Variants in ANK2 observed in about 807,000 individuals in gnomAD.
The protein encoded by ANK2 is ankyrin-2.
A neutral mutation model predicts 360.5 loss-of-function variants in ANK2; 83 were observed. That is an observed-to-expected ratio of 0.23 (90% confidence interval 0.19 to 0.28). The LOEUF is 0.28. Among genes scored for constraint, ANK2 ranks in the 10% least tolerant of loss-of-function variants. The pLI, the probability that ANK2 is intolerant of heterozygous loss-of-function variation, is 1.00. For missense variants in ANK2, 4,201 were observed against 4,795.7 expected (o/e 0.88, Z 3.66); for synonymous variants, 1,740 against 1,759.5 (o/e 0.99, Z 0.28).
At chr4:112,861,423 C>T (rs535264635) in intron 1 of ANK2, among the ~76,000 whole-genome samples, 1 of 152,298 alleles carries the variant, frequency 6.6e-6, no homozygotes, top group African/African-American at 2.4e-5. Context: ...ACTAAAAATG[C>T]AATTGCTCTG....
chr4:113,079,510 T>G (rs2081441382), intron 1 of ANK2, among the ~76,000 whole-genome samples: 1 of 152,236 alleles, frequency 6.6e-6, no homozygotes, highest in South Asian at 2.1e-4. Flanking sequence ...TTTCTAGATT[T>G]TAAGTTATCT....
chr4:113,150,328 G>A (rs555799602), intron 1 of ANK2, among the ~76,000 whole-genome samples: 2 of 152,278 alleles, frequency 1.3e-5, no homozygotes, highest in South Asian at 2.1e-4. Flanking sequence ...GGGGCTTCCA[G>A]GACCACCCTC....
chr4:113,138,818 C>A (rs556122612), intron 1 of ANK2, among the ~76,000 whole-genome samples: 3 of 152,116 alleles, frequency 2.0e-5, no homozygotes, highest in Non-Finnish European at 4.4e-5. Flanking sequence ...TCTCTAGAAC[C>A]TCTAGGGTGA....
At chr4:112,981,902 TAAGATA>T in intron 2 of ANK2, among the ~76,000 whole-genome samples, 1 of 152,296 alleles carries the variant, frequency 6.6e-6, no homozygotes, top group East Asian at 1.9e-4. Context: ...TCAACAATCA[TAAGATA>T]CAACTTCCTG....
At chr4:113,236,121 A>G (rs1054520810) in intron 5 of ANK2, among the ~76,000 whole-genome samples, 6 of 151,770 alleles carry the variant, frequency 4.0e-5, no homozygotes, top group African/African-American at 1.5e-4. Flanking sequence ...TTGTTTTCCA[A>G]CTTTTGTGGA....
chr4:113,022,645 C>T (rs2058427388), intron 2 of ANK2, among the ~76,000 whole-genome samples: 1 of 152,194 alleles, frequency 6.6e-6, no homozygotes, highest in African/African-American at 2.4e-5. Flanking sequence ...ATCTTGCTGA[C>T]ATTCTAATTC....
chr4:112,840,378 A>G (rs901160385), intron 1 of ANK2, among the ~76,000 whole-genome samples: 3 of 152,286 alleles, frequency 2.0e-5, no homozygotes, highest in African/African-American at 7.2e-5. Context: ...AAGGGGAACA[A>G]TTTGCCTGGC....
chr4:112,795,525 A>T, the ANK2 span, among the ~76,000 whole-genome samples: 1 of 152,166 alleles, frequency 6.6e-6, no homozygotes. Flanking sequence ...ATTTTCCGAG[A>T]TGGAGTCTCG....
rs926626567 is a variant in ANK2, at chr4:112,885,448, G to A, written c.-39-19007G>A. 1.5e-4 allele frequency among the ~76,000 whole-genome samples: 22 copies of A among 146,382 alleles called. 1 individual carries two copies. Among genetic ancestry groups the A allele is most frequent in the Admixed American group, 1.1e-3 (16 of 14,152 alleles). ...CGGGAAGCCGAGGTTGCAGTGAGCCGAGATCATGCCATTGCACTCCATCCT... is the reference window on the plus strand; with the variant it reads ...CGGGAAGCCGAGGTTGCAGTGAGCCAAGATCATGCCATTGCACTCCATCCT... On this transcript the variant is annotated intron_variant, in intron 1 of 30. Coordinates refer to the ANK2 transcript ENST00000503271.
At chr4:113,313,139 T>A (rs557761231) in intron 24 of ANK2, among the ~76,000 whole-genome samples, 2 of 152,282 alleles carry the variant, frequency 1.3e-5, no homozygotes, top group East Asian at 3.9e-4. Context: ...CCTCTGGAGT[T>A]CCATAAGCTG....
chr4:112,810,443 T>G, the ANK2 span, among the ~76,000 whole-genome samples: 1 of 152,184 alleles, frequency 6.6e-6, no homozygotes, highest in African/African-American at 2.4e-5. Context: ...CCAGCCAAGT[T>G]GCTCAAATCA....
At chr4:112,780,925 A>G in the ANK2 span, among the ~76,000 whole-genome samples, 2 of 152,206 alleles carry the variant, frequency 1.3e-5, no homozygotes, top group South Asian at 2.1e-4. Context: ...TATAAATTAT[A>G]TAACTATTTG....
intron 4 of ANK2, among the ~76,000 whole-genome samples, chr4:113,221,152 CA>C (rs1279548422): frequency 6.6e-6 from 1 of 152,104 alleles, no homozygotes; most frequent in Non-Finnish European, 1.5e-5. Flanking sequence ...GGTCTGCAGA[CA>C]GGAAAATGCA....
intron 1 of ANK2, among the ~76,000 whole-genome samples, chr4:113,096,959 T>TG (rs944031384): frequency 3.3e-5 from 5 of 151,516 alleles, no homozygotes; most frequent in Non-Finnish European, 5.9e-5. Flanking sequence ...CCATATGCCT[T>TG]GGGCAAAAGC....
intron 2 of ANK2, among the ~76,000 whole-genome samples, chr4:113,022,583 C>T (rs961477877): frequency 6.6e-6 from 1 of 152,146 alleles, no homozygotes; most frequent in African/African-American, 2.4e-5. Flanking sequence ...TTACAGCTTA[C>T]CATAATAGGA....
At chr4:112,794,472 A>G in the ANK2 span, among the ~76,000 whole-genome samples, 1 of 152,218 alleles carries the variant, frequency 6.6e-6, no homozygotes, top group Non-Finnish European at 1.5e-5. Flanking sequence ...AAATAATCCC[A>G]TGACCAATAC....
At chr4:113,240,750 C>T (rs1340919398) in intron 8 of ANK2, among the ~76,000 whole-genome samples, 167 bp downstream of exon 8, 3 of 152,100 alleles carry the variant, frequency 2.0e-5, no homozygotes, top group Admixed American at 6.5e-5. Flanking sequence ...CACAAGAAGT[C>T]ATCTTGGCTT....
chr4:113,042,775 C>T (rs1285824922), intron 2 of ANK2, among the ~76,000 whole-genome samples: 6 of 152,128 alleles, frequency 3.9e-5, no homozygotes, highest in Non-Finnish European at 8.8e-5. Context: ...TCAAATTATT[C>T]TTTAACTCCC....
chr4:113,137,010 G>A (rs951173540), intron 1 of ANK2, among the ~76,000 whole-genome samples: 3 of 151,830 alleles, frequency 2.0e-5, no homozygotes, highest in South Asian at 4.1e-4. Flanking sequence ...CACCCGCCTT[G>A]GCCTCTCAAA....
Sources: allele counts gnomAD v4.1 joint callset (sites outside exome capture counted in the v4.1 genomes callset), GRCh38; gene constraint gnomAD v4.1.1; transcripts MANE v1.5; gene names NCBI Gene and HGNC (gene_info 2026-07-23, HGNC 2026-07-21).